Variants in PEX7 observed in about 807,000 individuals in gnomAD.
The protein encoded by PEX7 is PTS2 receptor.
Under a neutral mutation model 47.5 loss-of-function variants are expected in PEX7, and 34 were observed. The observed-to-expected ratio is 0.72, with a 90% CI of 0.54 to 0.95. PEX7 has a LOEUF of 0.95. Among genes scored for constraint, PEX7 ranks in the 40% least tolerant of loss-of-function variants. PEX7 has a pLI of 0.00. For synonymous variants in PEX7, 141 were observed against 148.8 expected, an observed-to-expected ratio of 0.95 and a Z score of 0.38; for missense variants, 394 against 400.3, an observed-to-expected ratio of 0.98 and a Z score of 0.13.
intron 9 of PEX7, among the ~76,000 whole-genome samples, chr6:136,899,558 T>C (rs1191575843): frequency 6.6e-6 from 1 of 151,986 alleles, no homozygotes; most frequent in Non-Finnish European, 1.5e-5. Flanking sequence ...CTTTATATTT[T>C]TAGTAGAGAT....
At chr6:136,834,890 C>T (rs1303123772) in intron 3 of PEX7, among the ~76,000 whole-genome samples, 1 of 152,058 alleles carries the variant, frequency 6.6e-6, no homozygotes, top group South Asian at 2.1e-4. Flanking sequence ...AATTTTAATA[C>T]TTAACATAAA....
At chr6:136,878,347 T>C (rs565897917) in intron 8 of PEX7, among the ~76,000 whole-genome samples, 176 of 152,290 alleles carry the variant, frequency 1.2e-3, no homozygotes, top group African/African-American at 3.4e-3. Context: ...CTATGTTGAA[T>C]AGGAGAGGTG....
chr6:136,823,023 C>T (rs938669863), intron 1 of PEX7: 28 of 985,338 alleles, frequency 2.8e-5, no homozygotes, highest in Non-Finnish European at 3.4e-5. Context: ...AGTGCATATA[C>T]GTGTAGCCTA....
chr6:136,856,291 TAAAAAAAAAA>T (rs397759780), intron 5 of PEX7, among the ~76,000 whole-genome samples: 1 of 70,596 alleles, frequency 1.4e-5, no homozygotes, highest in Non-Finnish European at 3.1e-5. Flanking sequence ...TGGTTGAAAG[TAAAAAAAAAA>T]AAAAAAAAAA....
intron 1 of PEX7, chr6:136,823,049 G>C: frequency 1.0e-6 from 1 of 985,436 alleles, no homozygotes; most frequent in South Asian, 4.7e-5. Flanking sequence ...CCGTGTCCTT[G>C]TTCCTTGAGA....
chr6:136,840,349 A>T (rs1341262948), intron 3 of PEX7, among the ~76,000 whole-genome samples: 2 of 151,908 alleles, frequency 1.3e-5, no homozygotes, highest in Non-Finnish European at 2.9e-5. Flanking sequence ...AGTAACCACT[A>T]GCCTGAATTT....
chr6:136,846,811 C>T (rs1012623878), intron 5 of PEX7, among the ~76,000 whole-genome samples: 1 of 151,986 alleles, frequency 6.6e-6, no homozygotes. Flanking sequence ...CATACATATG[C>T]ATGTCTTTAT....
At chr6:136,910,760 G>C (rs1270141398) in intron 9 of PEX7, among the ~76,000 whole-genome samples, 1 of 152,176 alleles carries the variant, frequency 6.6e-6, no homozygotes, top group Admixed American at 6.5e-5. Flanking sequence ...GGGAAATGGA[G>C]TGCAAATACT....
intron 5 of PEX7, among the ~76,000 whole-genome samples, chr6:136,861,694 C>T (rs1774966235): frequency 1.3e-5 from 2 of 151,404 alleles, no homozygotes. Context: ...TATGTTAGAT[C>T]TTTGTGAAAT....
intron 7 of PEX7, chr6:136,870,634 T>A (rs1775161374): frequency 4.4e-6 from 1 of 224,912 alleles, no homozygotes; most frequent in African/African-American, 2.4e-5. Context: ...TTTTTTTACG[T>A]TAAGGATAAA....
intron 8 of PEX7, among the ~76,000 whole-genome samples, chr6:136,894,506 C>T (rs1217816325): frequency 1.3e-5 from 2 of 152,144 alleles, no homozygotes; most frequent in African/African-American, 4.8e-5. Flanking sequence ...AGGAGAATTG[C>T]TTGAACCCGG....
intron 3 of PEX7, among the ~76,000 whole-genome samples, chr6:136,831,773 G>A (rs1271766118): frequency 1.3e-5 from 2 of 152,272 alleles, no homozygotes; most frequent in Non-Finnish European, 2.9e-5. Context: ...AAATCTTAAA[G>A]CTCTGAAATG....
Position 136,845,778 on chromosome 6 carries a change from C to T in PEX7, c.417+86C>T, listed in dbSNP as rs377394660. On this transcript the variant is annotated intron_variant, in intron 4 of 9. Coordinates refer to ENST00000318471, the MANE Select transcript of PEX7 (RefSeq NM_000288.4). The stretch of plus-strand genomic sequence containing the variant: ...TTTCTTCTCTTTTTCCAACATACTT[C>T]TGTAGCTCTATGATTCGACAGCTGA... 725 of 875,516 alleles carry T rather than the reference C, an allele frequency of 8.3e-4. 6 individuals carry two copies. Among genetic ancestry groups the T allele is most frequent in the South Asian group, 4.4e-3 (333 of 75,174 alleles). The allele number at this position is 875,516 out of a possible 1,614,324, so 54.2% of individuals were successfully genotyped here.
intron 8 of PEX7, among the ~76,000 whole-genome samples, chr6:136,881,579 C>T (rs1363600871): frequency 2.0e-5 from 3 of 152,200 alleles, no homozygotes; most frequent in Non-Finnish European, 4.4e-5. Flanking sequence ...ACTACTGAGA[C>T]TTTCTTCTCA....
intron 1 of PEX7, chr6:136,823,318 T>G (rs1419549655): frequency 1.0e-6 from 1 of 985,304 alleles, no homozygotes; most frequent in African/African-American, 1.7e-5. Flanking sequence ...GGTGACACCA[T>G]GAAATATATC....
Position 136,900,588 on chromosome 6 carries a change from C to G in PEX7, c.903+2347C>G. ...GTGTGAAGGTGATGGTGGTGTGGGT[C>G]ATCCTGTGAACCAGTCTTGCCTTTC... On this transcript the variant is annotated intron_variant, in intron 9 of 9. Coordinates refer to ENST00000318471, the MANE Select transcript of PEX7 (RefSeq NM_000288.4). The surrounding 1 kb of genome is among the most constrained non-coding windows in gnomAD (Gnocchi z 4.2). 2.6e-6 allele frequency: 1 copy of G among 382,658 alleles called. No individual in the cohort carries two copies. Among genetic ancestry groups the G allele is most frequent in the Admixed American group, 3.0e-5 (1 of 32,812 alleles). 23.7% of individuals were successfully genotyped at this position (382,658 alleles called of 1,614,324 possible).
intron 6 of PEX7, among the ~76,000 whole-genome samples, chr6:136,867,844 CA>C (rs1775102067): frequency 6.6e-6 from 1 of 152,062 alleles, no homozygotes; most frequent in Non-Finnish European, 1.5e-5. Context: ...CAAAAAATTA[CA>C]GTGAGCTAAG....
intron 2 of PEX7, among the ~76,000 whole-genome samples, chr6:136,825,604 G>A (rs1018543435): frequency 6.6e-6 from 1 of 152,026 alleles, no homozygotes; most frequent in African/African-American, 2.4e-5. Context: ...CGCCATCTTG[G>A]CTCAGTGCAG....
rs1459591337 is a variant in PEX7 at position 136,898,221 on chromosome 6, A to C, written c.883A>C (p.Ser295Arg). 1.2e-6 allele frequency: 2 copies of C among 1,600,032 alleles called. No individual in the cohort carries two copies. The highest frequency in any genetic ancestry group is 2.7e-5 in the African/African-American group (2 of 74,732). ...HTEFTCGLDF[S>R]LQSPTQVADC... ...AGAGTTTACTTGTGGTTTAGACTTC[A>C]GTCTTCAGAGCCCCACTCAGGTAAC... Residue 295 changes from serine to arginine, a missense_variant, in exon 9 of 10, where the codon AGT becomes CGT. Coordinates refer to ENST00000318471, the MANE Select transcript of PEX7 (RefSeq NM_000288.4).
Sources: allele counts gnomAD v4.1 joint callset (sites outside exome capture counted in the v4.1 genomes callset), GRCh38; gene constraint gnomAD v4.1.1; non-coding constraint Gnocchi (gnomAD v3.1); transcripts MANE v1.5; gene names NCBI Gene and HGNC (gene_info 2026-07-23, HGNC 2026-07-21).